Variants in EXOC2 observed in about 807,000 individuals in gnomAD.
EXOC2 encodes exocyst complex component 2.
Under a neutral mutation model 131.8 loss-of-function variants are expected in EXOC2, and 70 were observed. The observed-to-expected ratio is 0.53, with a 90% confidence interval of 0.44 to 0.65. EXOC2 has a LOEUF of 0.65. EXOC2 is among the 30% of genes least tolerant of loss of function. The probability of loss-of-function intolerance (pLI) is 0.00; values close to 1 mark genes in which losing one functional copy is unlikely to be tolerated. For missense variants in EXOC2, 923 were observed against 1,108.6 expected (o/e 0.83, Z 2.38); for synonymous variants, 411 against 398.4 (o/e 1.03, Z -0.38).
chr6:500,873 A>G (rs938648640), intron 23 of EXOC2, among the ~76,000 whole-genome samples: 6 of 151,736 alleles, frequency 4.0e-5, no homozygotes, highest in African/African-American at 1.5e-4. Context: ...AAGAACTATA[A>G]TCAACCTTTT....
At chr6:503,823 C>T (rs1226471148) in intron 23 of EXOC2, among the ~76,000 whole-genome samples, 1 of 152,194 alleles carries the variant, frequency 6.6e-6, no homozygotes, top group Admixed American at 6.5e-5. Flanking sequence ...CAGCTGGGTA[C>T]TGGCCTAGGG....
intron 11 of EXOC2, among the ~76,000 whole-genome samples, chr6:585,631 GGC>G (rs1183105504): frequency 6.6e-6 from 1 of 151,904 alleles, no homozygotes. Flanking sequence ...AATACCACAG[GGC>G]TACATACAAT....
chr6:641,776 T>C (rs886242112), intron 1 of EXOC2, among the ~76,000 whole-genome samples: 3 of 152,146 alleles, frequency 2.0e-5, no homozygotes, highest in Admixed American at 6.5e-5. Flanking sequence ...CCTGTTGCTC[T>C]CCCACTTAAG....
chr6:547,476 A>G (rs1321891327), intron 22 of EXOC2, among the ~76,000 whole-genome samples: 2 of 152,224 alleles, frequency 1.3e-5, no homozygotes, highest in Non-Finnish European at 2.9e-5. Context: ...TAAGCCATCC[A>G]CTGTGACCTG....
rs545669614 is a variant in EXOC2 at position 569,909 on chromosome 6, T to C, written c.1443+2611A>G. 1.6e-4 allele frequency among the ~76,000 whole-genome samples: 25 copies of C among 152,336 alleles called. 1 individual carries two copies. The South Asian group carries it at 3.1e-3, about 19-fold the overall frequency. On this transcript the variant is annotated intron_variant, in intron 13 of 27. Coordinates refer to ENST00000230449, the MANE Select transcript of EXOC2 (RefSeq NM_018303.6). ...TCTACGACCAAATATTTCATTTATA[T>C]GTTTGGTATGTAATCTGTAAGAAAG...
intron 18 of EXOC2, 108 bp downstream of exon 18, chr6:556,376 A>T: frequency 1.8e-6 from 2 of 1,106,322 alleles, no homozygotes; most frequent in South Asian, 1.4e-5. Flanking sequence ...TGGAACAAGC[A>T]GGCGAAGAGG....
intron 23 of EXOC2, among the ~76,000 whole-genome samples, chr6:514,763 G>T (rs72835917): frequency 7.9e-5 from 12 of 152,126 alleles, no homozygotes; most frequent in South Asian, 4.1e-4. Context: ...GCAGATGTGT[G>T]GGGGAGGAGC....
chr6:533,773 G>C (rs907583203), intron 22 of EXOC2, among the ~76,000 whole-genome samples: 12 of 152,282 alleles, frequency 7.9e-5, no homozygotes, highest in Middle Eastern at 3.4e-3. Context: ...TGTGGGCCCA[G>C]GTCACCCTGC....
At chr6:601,164 G>A (rs1430515654) in intron 7 of EXOC2, among the ~76,000 whole-genome samples, 1 of 152,218 alleles carries the variant, frequency 6.6e-6, no homozygotes, top group African/African-American at 2.4e-5. Flanking sequence ...AACGCCACCA[G>A]GAAGGCATCA....
chr6:606,844 A>T (rs930241376), intron 7 of EXOC2, among the ~76,000 whole-genome samples: 5 of 152,168 alleles, frequency 3.3e-5, no homozygotes, highest in African/African-American at 1.2e-4. Context: ...TTTGCGTTTC[A>T]CTTCCAGTGT....
intron 24 of EXOC2, among the ~76,000 whole-genome samples, chr6:499,430 A>ACAC (rs1763914173): frequency 2.1e-5 from 3 of 141,642 alleles, no homozygotes; most frequent in Admixed American, 7.1e-5. Context: ...CTCACAGTTA[A>ACAC]ACACACACAC....
intron 9 of EXOC2, among the ~76,000 whole-genome samples, chr6:598,418 G>C (rs1759940136): frequency 6.6e-6 from 1 of 152,102 alleles, no homozygotes; most frequent in Non-Finnish European, 1.5e-5. Flanking sequence ...AATTTAATAA[G>C]GCCCTGTGAT....
intron 23 of EXOC2, among the ~76,000 whole-genome samples, chr6:514,683 G>A (rs957363875): frequency 1.3e-5 from 2 of 152,332 alleles, no homozygotes; most frequent in Admixed American, 6.5e-5. Flanking sequence ...CAAAGGGGTC[G>A]CCCCTGGGGC....
intron 22 of EXOC2, among the ~76,000 whole-genome samples, chr6:538,522 G>A (rs1376681875): frequency 3.3e-5 from 5 of 152,188 alleles, no homozygotes; most frequent in South Asian, 2.1e-4. Context: ...GAGACGGAGC[G>A]CTAAAGGGTC....
intron 25 of EXOC2, among the ~76,000 whole-genome samples, chr6:492,019 C>G (rs750938525): frequency 2.0e-5 from 3 of 152,140 alleles, no homozygotes; most frequent in Admixed American, 6.5e-5. Context: ...GATCACAGAT[C>G]TAAATGTAAG....
chr6:666,354 T>C (rs942887388), intron 1 of EXOC2, among the ~76,000 whole-genome samples: 1 of 152,206 alleles, frequency 6.6e-6, no homozygotes, highest in African/African-American at 2.4e-5. Flanking sequence ...ACCACGGCAG[T>C]CATACTGATG....
At chr6:692,718 G>C (rs1036824805) in intron 1 of EXOC2, among the ~76,000 whole-genome samples, 11 of 152,108 alleles carry the variant, frequency 7.2e-5, no homozygotes, top group African/African-American at 1.2e-4. Flanking sequence ...GCTCCAGCGG[G>C]CGGGGCCTGG....
rs1561983307 is a variant in EXOC2, at chr6:658,655, ATATATATATATTTT to A, written c.-43-20808_-43-20795del. 5.9e-3 allele frequency among the ~76,000 whole-genome samples: 447 copies of A among 75,784 alleles called. 4 individuals are homozygous for A. Among genetic ancestry groups the A allele is most frequent in the African/African-American group, 0.018 (422 of 23,274 alleles). The allele number at this position is 75,784 out of a possible 152,430, so 49.7% of individuals were successfully genotyped here. Reference sequence around the variant, plus strand: ...ATATATATATATATTTTATATATATATATATATATATTTTTTTTTTTTTTAGACGAAGTCTTGCT... The same window carrying A: ...ATATATATATATATTTTATATATATATTTTTTTTTTAGACGAAGTCTTGCT... On this transcript the variant is annotated intron_variant, in intron 1 of 27. Coordinates refer to ENST00000230449, the MANE Select transcript of EXOC2 (RefSeq NM_018303.6).
Position 553,852 on chromosome 6 carries a change from A to C in EXOC2, c.2121+2T>G. 6.2e-7 allele frequency: 1 copy of C among 1,612,546 alleles called. No homozygotes were observed. Among genetic ancestry groups the C allele is most frequent in the Non-Finnish European group, 8.5e-7 (1 of 1,178,604 alleles). On this transcript the variant is annotated splice_donor_variant, in intron 21 of 27. Transcript: ENST00000230449. LOFTEE classifies it high-confidence loss of function. ...TTACTTTCTAGTTATCGTCTGACTTACTGAGGTCAAGCTGAAGTCTTCATG... is the reference window on the plus strand; with the variant it reads ...TTACTTTCTAGTTATCGTCTGACTTCCTGAGGTCAAGCTGAAGTCTTCATG...
Sources: allele counts gnomAD v4.1 joint callset (sites outside exome capture counted in the v4.1 genomes callset), GRCh38; gene constraint gnomAD v4.1.1; transcripts MANE v1.5; gene names NCBI Gene and HGNC (gene_info 2026-07-23, HGNC 2026-07-21).